KIT: variants seen among roughly 807,000 people sequenced by gnomAD.
KIT encodes the protein mast/stem cell growth factor receptor Kit.
A neutral mutation model predicts 105.7 loss-of-function variants in KIT; 16 were observed. The observed-to-expected ratio is 0.15, with a 90% CI of 0.10 to 0.23. The LOEUF (loss-of-function observed/expected upper bound fraction) is 0.23, where lower values mean the gene tolerates loss of function less well. Among genes scored for constraint, KIT ranks in the 10% least tolerant of loss-of-function variants. The probability of loss-of-function intolerance (pLI) is 1.00; values close to 1 mark genes in which losing one functional copy is unlikely to be tolerated. For synonymous variants in KIT, 438 were observed against 441.1 expected (o/e 0.99, Z 0.09); for missense variants, 858 against 1,213.8 (o/e 0.71, Z 4.36).
At chr4:54,720,813 C>T (rs943350363) in intron 7 of KIT, among the ~76,000 whole-genome samples, 1 of 152,158 alleles carries the variant, frequency 6.6e-6, no homozygotes, top group Admixed American at 6.5e-5. Context: ...GAGTCCTATT[C>T]AGTTATCTCT....
Position 54,711,580 on chromosome 4 carries a change from C to T in KIT, c.1231+2041C>T, listed in dbSNP as rs76561499. ...TTTGATTACATAGCATTTCTCTGGT[C>T]CTCAATTCAAGTATCTCTAGATTAA... On this transcript the variant is annotated intron_variant, in intron 7 of 20. Coordinates refer to ENST00000288135, the MANE Select transcript of KIT (RefSeq NM_000222.3). Among the ~76,000 whole-genome samples, 3 of 152,112 alleles carry T rather than the reference C, an allele frequency of 2.0e-5. No individual in the cohort carries two copies. The East Asian group carries it at 5.8e-4, about 29-fold the overall frequency.
intron 7 of KIT, among the ~76,000 whole-genome samples, chr4:54,721,413 C>T (rs186738905): frequency 3.0e-4 from 45 of 152,298 alleles, no homozygotes; most frequent in East Asian, 1.4e-3. Context: ...CACAGTTGCC[C>T]ATGATAATTA....
intron 1 of KIT, among the ~76,000 whole-genome samples, chr4:54,678,123 C>T (rs1190316296): frequency 6.6e-6 from 1 of 152,142 alleles, no homozygotes; most frequent in African/African-American, 2.4e-5. Context: ...AAATTATAAA[C>T]ACAATTCCTC....
intron 1 of KIT, among the ~76,000 whole-genome samples, chr4:54,670,498 G>A (rs770454014): frequency 8.5e-5 from 13 of 152,146 alleles, no homozygotes; most frequent in Non-Finnish European, 1.6e-4. Flanking sequence ...CAAGTTGCCT[G>A]TGAAAACTGC....
intron 7 of KIT, among the ~76,000 whole-genome samples, chr4:54,717,253 A>G (rs1577979941): frequency 6.6e-6 from 1 of 152,176 alleles, no homozygotes; most frequent in East Asian, 1.9e-4. Flanking sequence ...GTTCTGAAAA[A>G]ATTTAGCAGA....
intron 5 of KIT, among the ~76,000 whole-genome samples, chr4:54,705,747 G>T (rs1266592499): frequency 2.0e-5 from 3 of 152,230 alleles, no homozygotes; most frequent in South Asian, 4.2e-4. Flanking sequence ...GCCGGGCATG[G>T]TGCCACATGC....
At position 54,658,039 on chromosome 4, in the gene KIT, G is replaced by A. The variant is rs1476871700; in HGVS notation, c.25G>A (p.Asp9Asn). 2 of 1,613,624 alleles carry A rather than the reference G, an allele frequency of 1.2e-6. No individual in the cohort carries two copies. Among genetic ancestry groups the A allele is most frequent in the Non-Finnish European group, 1.7e-6 (2 of 1,179,850 alleles). MRGARGAW[D>N]FLCVLLLLLR... The stretch of plus-strand genomic sequence containing the variant: ...GATGAGAGGCGCTCGCGGCGCCTGG[G>A]ATTTTCTCTGCGTTCTGCTCCTACT... Residue 9 changes from aspartate to asparagine, a missense_variant, in exon 1 of 21, where the codon GAT becomes AAT. By Grantham distance (23) the Asp-to-Asn change is conservative (BLOSUM62 1). Transcript: ENST00000288135.
chr4:54,669,166 A>C (rs192714451), intron 1 of KIT, among the ~76,000 whole-genome samples: 1 of 152,246 alleles, frequency 6.6e-6, no homozygotes, highest in East Asian at 1.9e-4. Context: ...GAAATAGTAT[A>C]TACGTTTTTA....
chr4:54,690,912 T>A (rs538656101), intron 1 of KIT, among the ~76,000 whole-genome samples: 1 of 152,340 alleles, frequency 6.6e-6, no homozygotes, highest in East Asian at 1.9e-4. Flanking sequence ...AAAAGCCCTA[T>A]TTTCATTTTA....
At chr4:54,665,548 G>C (rs116083122) in intron 1 of KIT, among the ~76,000 whole-genome samples, 2 of 152,058 alleles carry the variant, frequency 1.3e-5, no homozygotes, top group East Asian at 1.9e-4. Context: ...TCTCTCATTC[G>C]GCGTATTTAT....
intron 11 of KIT, 51 bp downstream of exon 11, chr4:54,727,593 A>G: frequency 1.2e-6 from 2 of 1,610,594 alleles, no homozygotes; most frequent in South Asian, 2.2e-5. Flanking sequence ...TACACATAAC[A>G]GTGACTTTAA....
intron 1 of KIT, among the ~76,000 whole-genome samples, chr4:54,684,694 C>T (rs945745169): frequency 4.6e-5 from 7 of 152,186 alleles, no homozygotes; most frequent in South Asian, 2.1e-4. Context: ...GCTGCTCCCC[C>T]GGCAGCACGA....
In KIT at chr4:54,681,006, G is replaced by C. The variant is rs572367294; in HGVS notation, c.68-14506G>C. Among the ~76,000 whole-genome samples the C allele has an allele frequency of 7.2e-5, 11 of 152,264 alleles. No homozygotes were observed. The East Asian group carries it at 1.7e-3, about 24-fold the overall frequency. On this transcript the variant is annotated intron_variant, in intron 1 of 20. Coordinates refer to ENST00000288135, the MANE Select transcript of KIT (RefSeq NM_000222.3). ...CCCTTTTGTATGTCCTAGGTCTTGG[G>C]GGGGTGAAGTCTTTGACTAGTGTGG...
At position 54,727,281 on chromosome 4, in the gene KIT, T is replaced by C. The variant is rs763411938; in HGVS notation, c.1604T>C (p.Met535Thr). 40 of 1,614,072 alleles carry C rather than the reference T, an allele frequency of 2.5e-5. No homozygotes were observed. The South Asian group carries it at 3.8e-4, about 16-fold the overall frequency. ...ATTGGTTTCGTAATCGTAGCTGGCA[T>C]GATGTGCATTATTGTGATGATTCTG... ...LLIGFVIVAG[M>T]MCIIVMILTY... Residue 535 changes from methionine to threonine, a missense_variant, in exon 10 of 21, where the codon ATG becomes ACG. Coordinates refer to ENST00000288135, the MANE Select transcript of KIT (RefSeq NM_000222.3).
In KIT at chr4:54,658,076, A is replaced by G. The variant is rs931395990; in HGVS notation, c.62A>G (p.Gln21Arg). Residue 21 changes from glutamine to arginine, a missense_variant, in exon 1 of 21, where the codon CAG becomes CGG. Physicochemically the swap from Gln to Arg is conservative, Grantham distance 43 (BLOSUM62 1). This residue lies in a region of KIT where 46 missense variants were observed against 38.8 expected (regional missense o/e 1.19). Coordinates refer to ENST00000288135, the MANE Select transcript of KIT (RefSeq NM_000222.3). Reference sequence around the variant, plus strand: ...GTTCTGCTCCTACTGCTTCGCGTCCAGACAGGTGGGACACCGCGGCTGGCA... The same window carrying G: ...GTTCTGCTCCTACTGCTTCGCGTCCGGACAGGTGGGACACCGCGGCTGGCA... ...LCVLLLLLRV[Q>R]TGSSQPSVSP... 12 of 1,613,708 alleles carry G rather than the reference A, an allele frequency of 7.4e-6. No individual in the cohort carries two copies. Among genetic ancestry groups the G allele is most frequent in the Non-Finnish European group, 9.3e-6 (11 of 1,179,886 alleles).
intron 1 of KIT, among the ~76,000 whole-genome samples, chr4:54,671,278 G>C (rs1320590417): frequency 6.6e-6 from 1 of 152,184 alleles, no homozygotes; most frequent in Non-Finnish European, 1.5e-5. Context: ...GGGCACTGGA[G>C]TAGGACTCTT....
intron 1 of KIT, among the ~76,000 whole-genome samples, chr4:54,687,270 G>A (rs959888900): frequency 2.0e-5 from 3 of 151,762 alleles, no homozygotes; most frequent in South Asian, 2.1e-4. Context: ...AAACTGCATC[G>A]CTACTAAAAA....
intron 1 of KIT, among the ~76,000 whole-genome samples, chr4:54,671,218 G>A (rs1718087661): frequency 6.6e-6 from 1 of 152,196 alleles, no homozygotes. Context: ...ATTGAGAACT[G>A]ACACCATTGC....
chr4:54,730,241 G>A (rs564451660), intron 14 of KIT, among the ~76,000 whole-genome samples: 1 of 152,236 alleles, frequency 6.6e-6, no homozygotes, highest in South Asian at 2.1e-4. Context: ...AGAAGTCATG[G>A]TTATTTTGCC....
Sources: gnomAD v4.1 joint callset for allele counts (sites outside exome capture counted in the v4.1 genomes callset) on GRCh38, gnomAD v4.1.1 for gene constraint, gnomAD v4.1.1 regional missense constraint, MANE v1.5 for transcripts, NCBI Gene and HGNC (gene_info 2026-07-23, HGNC 2026-07-21) for gene names.